IRX5: variants seen among roughly 807,000 people sequenced by gnomAD.
The protein encoded by IRX5 is iroquois homeobox 5.
A neutral mutation model predicts 37.6 loss-of-function variants in IRX5; 8 were observed. The observed-to-expected ratio is 0.21, with a 90% CI of 0.12 to 0.38. The LOEUF (loss-of-function observed/expected upper bound fraction) is 0.38. Ranked by LOEUF, IRX5 falls within the 10% of genes least tolerant of loss-of-function variation. The probability of loss-of-function intolerance (pLI) is 1.00; values close to 1 mark genes in which losing one functional copy is unlikely to be tolerated. For missense variants in IRX5, 635 were observed against 695.2 expected, an observed-to-expected ratio of 0.91 and a Z score of 0.97; for synonymous variants, 359 against 328.6, an observed-to-expected ratio of 1.09 and a Z score of -1.00.
Position 54,933,168 on chromosome 16 carries a change from C to G in IRX5, c.747C>G (p.Asp249Glu). 1 of 1,568,966 alleles carries G rather than the reference C, an allele frequency of 6.4e-7. No homozygotes were observed. Among genetic ancestry groups the G allele is most frequent in the Non-Finnish European group, 8.6e-7 (1 of 1,165,260 alleles). ...AGKETEGSLS[D>E]SDFKEPPSEG... ...AGGAGACGGAGGGCAGCCTCAGCGA[C>G]TCGGATTTTAAGGAGCCGCCCTCGG... Residue 249 changes from aspartate (D) to glutamate (E), a missense_variant, in exon 3 of 3, where the codon GAC becomes GAG. Transcript: ENST00000394636.
Position 54,932,874 on chromosome 16 carries a change from A to C in IRX5, c.626A>C (p.Asp209Ala). 6.2e-7 allele frequency: 1 copy of C among 1,612,938 alleles called. No individual in the cohort carries two copies. Among genetic ancestry groups the C allele is most frequent in the Non-Finnish European group, 8.5e-7 (1 of 1,179,330 alleles). The change falls in exon 2 of 3, where the codon GAC becomes GCC. Residue 209 changes from aspartate (D) to alanine (A), a missense_variant. By Grantham distance (126) the Asp-to-Ala change is moderately radical. Coordinates refer to ENST00000394636, the MANE Select transcript of IRX5 (RefSeq NM_005853.6). This position sits in a 1 kb window ranked among gnomAD's most constrained non-coding sequence, Gnocchi z 6.7. ...GAGGACGAGCCCCAGAAGCCCGAGGACAAGGGCGACCCCGAGGGCCCCGAA... is the reference window on the plus strand; with the variant it reads ...GAGGACGAGCCCCAGAAGCCCGAGGCCAAGGGCGACCCCGAGGGCCCCGAA... ...NDEDEPQKPE[D>A]KGDPEGPEAG...
Position 54,931,006 on chromosome 16 carries a change from G to GGCGCGGCGGTCGCAGCCGGAGGC in IRX5, c.-186_-164dup, listed in dbSNP as rs1255621090. 1 of 168,742 alleles carries GGCGCGGCGGTCGCAGCCGGAGGC rather than the reference G, an allele frequency of 5.9e-6. No individual in the cohort carries two copies. Among genetic ancestry groups the GGCGCGGCGGTCGCAGCCGGAGGC allele is most frequent in the African/African-American group, 2.4e-5 (1 of 41,624 alleles). The allele number at this position is 168,742 out of a possible 1,614,324, so 10.5% of individuals were successfully genotyped here. On this transcript the variant is annotated 5_prime_UTR_variant, in exon 1 of 3. Transcript: ENST00000394636. ...GGCGAGCGAGGCGCGCAGAGGAGCGGGCGCGGCGGTCGCAGCCGGAGGCGC... is the reference window on the plus strand; with the variant it reads ...GGCGAGCGAGGCGCGCAGAGGAGCGGGCGCGGCGGTCGCAGCCGGAGGCGCGCGGCGGTCGCAGCCGGAGGCGC...
In IRX5 at chr16:54,932,102, T is replaced by C; in HGVS notation, c.250-396T>C. The C allele has an allele frequency of 1.4e-6, 1 of 702,830 alleles. No individual in the cohort carries two copies. The highest frequency in any genetic ancestry group is 2.6e-6 in the Non-Finnish European group (1 of 384,956). The allele number at this position is 702,830 out of a possible 1,614,324, so 43.5% of individuals were successfully genotyped here. A position where few individuals can be genotyped will look rare whatever the true frequency, so the allele number is the denominator to read the frequency against. On this transcript the variant is annotated intron_variant, in intron 1 of 2. Coordinates refer to ENST00000394636, the MANE Select transcript of IRX5 (RefSeq NM_005853.6). The surrounding 1 kb of genome is among the most constrained non-coding windows in gnomAD (Gnocchi z 6.7). ...CCTTGACTTCCCTTGTTTTCCCCCC[T>C]TGCGCCCAACGTGCGTCCGCTCCCC...
rs568146590 is a variant in IRX5 at position 54,933,659 on chromosome 16, C to G, written c.1238C>G (p.Thr413Arg). The change falls in exon 3 of 3, where the codon ACG becomes AGG. Residue 413 changes from threonine to arginine, a missense_variant. Thr to Arg is a moderately conservative substitution (Grantham distance 71, BLOSUM62 -1). Around this residue, in one of 5 missense-constraint regions of IRX5, gnomAD observed 188 missense variants for 200.8 expected, o/e 0.94. Coordinates refer to ENST00000394636, the MANE Select transcript of IRX5 (RefSeq NM_005853.6). ...YYTAPFYPGYTNYGSFGHLHG... is the reference protein window; with the variant it reads ...YYTAPFYPGYRNYGSFGHLHG... ...ACCGCGCCCTTCTATCCCGGCTACACGAACTATGGCTCCTTCGGACACCTT... is the reference window on the plus strand; with the variant it reads ...ACCGCGCCCTTCTATCCCGGCTACAGGAACTATGGCTCCTTCGGACACCTT... 278 of 1,611,990 alleles carry G rather than the reference C, an allele frequency of 1.7e-4. 4 individuals carry two copies. In the South Asian group the frequency reaches 2.9e-3, roughly 17 times the overall value.
At position 54,932,045 on chromosome 16, in the gene IRX5, A is replaced by G. The variant is rs1963903809; in HGVS notation, c.250-453A>G. The G allele has an allele frequency of 2.9e-6, 2 of 701,350 alleles. No homozygotes were observed. Among genetic ancestry groups the G allele is most frequent in the Admixed American group, 4.0e-5 (2 of 49,776 alleles). The allele number at this position is 701,350 out of a possible 1,614,324, so 43.4% of individuals were successfully genotyped here. The stretch of plus-strand genomic sequence containing the variant: ...GGGCATGGCTCAGCTTTTTGTTTGC[A>G]TTTCTTAGCTGTTGAAAAAAGAAAA... On this transcript the variant is annotated intron_variant, in intron 1 of 2. Coordinates refer to ENST00000394636, the MANE Select transcript of IRX5 (RefSeq NM_005853.6). The surrounding 1 kb of genome is among the most constrained non-coding windows in gnomAD (Gnocchi z 6.7).
In IRX5 at chr16:54,933,553, C is replaced by CCGGCCCCGGCGCCGT; in HGVS notation, c.1134_1148dup (p.Ala379_Ser383dup). The CCGGCCCCGGCGCCGT allele has an allele frequency of 6.2e-7, 1 of 1,607,716 alleles. No individual in the cohort carries two copies. Among genetic ancestry groups the CCGGCCCCGGCGCCGT allele is most frequent in the Non-Finnish European group, 8.5e-7 (1 of 1,176,948 alleles). On this transcript the variant is annotated inframe_insertion, in exon 3 of 3. Coordinates refer to ENST00000394636, the MANE Select transcript of IRX5 (RefSeq NM_005853.6). ...AGCCCTAGGAGGCAGCCGGGCGTCG[C>CCGGCCCCGGCGCCGT]CGGCCCCGGCGCCGTCACGCTCGCC...
Position 54,932,787 on chromosome 16 carries a change from C to T in IRX5, c.539C>T (p.Thr180Met), listed in dbSNP as rs1187169473. The stretch of plus-strand genomic sequence containing the variant: ...AAGAAAGAGAATAAAATGACGTGGA[C>T]GCCGCGGAACCGCAGCGAGGACGAG... ...RLKKENKMTWTPRNRSEDEEE... is the reference protein window; with the variant it reads ...RLKKENKMTWMPRNRSEDEEE... The change falls in exon 2 of 3, where the codon ACG becomes ATG. Residue 180 changes from threonine to methionine, a missense_variant. Thr to Met is a moderately conservative substitution (Grantham distance 81, BLOSUM62 -1). This residue lies in a region of IRX5 where 55 missense variants were observed against 120.5 expected (regional missense o/e 0.46). Transcript: ENST00000394636. The surrounding 1 kb of genome is among the most constrained non-coding windows in gnomAD (Gnocchi z 6.7). The T allele has an allele frequency of 1.2e-6, 2 of 1,614,080 alleles. No individual in the cohort carries two copies. Among genetic ancestry groups the T allele is most frequent in the South Asian group, 2.2e-5 (2 of 91,082 alleles).
rs780279537 is a variant in IRX5 at position 54,933,133 on chromosome 16, C to T, written c.712C>T (p.Pro238Ser). The change falls in exon 3 of 3, where the codon CCT (proline) becomes TCT (serine). Residue 238 changes from proline to serine, a missense_variant. Pro to Ser is a moderately conservative substitution (Grantham distance 74, BLOSUM62 -1). This residue lies in a region of IRX5 where 244 missense variants were observed against 205.4 expected (regional missense o/e 1.19). Transcript: ENST00000394636. ...GCERLQGPPTPAGKETEGSLS... is the reference protein window; with the variant it reads ...GCERLQGPPTSAGKETEGSLS... ...CGAACGGCTTCAGGGACCACCCACC[C>T]CTGCAGGCAAGGAGACGGAGGGCAG... 7 of 1,586,322 alleles carry T rather than the reference C, an allele frequency of 4.4e-6. No individual in the cohort carries two copies. In the Admixed American group the frequency reaches 1.2e-4, roughly 27 times the overall value.
Position 54,931,103 on chromosome 16 carries a change from C to T in IRX5, c.-96C>T, listed in dbSNP as rs1198640051. ...GGGCCAGAGGAGCGGCGGCCCAGGG[C>T]AGCCAGAGGCCAGGTGCCCGCCCGC... is the stretch of plus-strand genomic sequence containing the variant. On this transcript the variant is annotated 5_prime_UTR_variant, in exon 1 of 3. Transcript: ENST00000394636. 39 of 991,906 alleles carry T rather than the reference C, an allele frequency of 3.9e-5. 1 individual carries two copies. In the African/African-American group the frequency reaches 4.5e-4, roughly 11 times the overall value. The allele number at this position is 991,906 out of a possible 1,614,324, so 61.4% of individuals were successfully genotyped here.
intron 1 of IRX5, 140 bp downstream of exon 1, chr16:54,931,587 C>T (rs1963898276): frequency 8.3e-7 from 1 of 1,207,518 alleles, no homozygotes; most frequent in Admixed American, 2.9e-5. Context: ...GGGCGATTGT[C>T]TCCGCCAGCT....
Position 54,933,443 on chromosome 16 carries a change from C to T in IRX5, c.1022C>T (p.Ala341Val), listed in dbSNP as rs758891540. 1.2e-6 allele frequency: 2 copies of T among 1,611,438 alleles called. No homozygotes were observed. The highest frequency in any genetic ancestry group is 1.7e-6 in the Non-Finnish European group (2 of 1,179,406). The change falls in exon 3 of 3, where the codon GCC becomes GTC. Residue 341 changes from alanine (A) to valine (V), a missense_variant. Coordinates refer to ENST00000394636, the MANE Select transcript of IRX5 (RefSeq NM_005853.6). ...AAACTGTGGTCTTTGGCAGAGATCG[C>T]CACATCGTCGGACAAGGTCAAGGAC... is the stretch of plus-strand genomic sequence containing the variant. ...KPKLWSLAEIATSSDKVKDGG... is the reference protein window; with the variant it reads ...KPKLWSLAEIVTSSDKVKDGG...
At position 54,933,257 on chromosome 16, in the gene IRX5, C is replaced by G; in HGVS notation, c.836C>G (p.Ala279Gly). Residue 279 changes from alanine to glycine, a missense_variant, in exon 3 of 3, where the codon GCG (alanine) becomes GGG (glycine). Ala to Gly is a moderately conservative substitution (Grantham distance 60). Transcript: ENST00000394636. Reference sequence around the variant, plus strand: ...GGCGGGCCCTCCCCGGCTGGGCCAGCGGCGGCGCGGCTGGCGGAGGACCCG... The same window carrying G: ...GGCGGGCCCTCCCCGGCTGGGCCAGGGGCGGCGCGGCTGGCGGAGGACCCG... The part of the protein sequence containing the change: ...RTGGPSPAGP[A>G]AARLAEDPAP... 7.5e-7 allele frequency: 1 copy of G among 1,327,832 alleles called. No homozygotes were observed. The highest frequency in any genetic ancestry group is 2.1e-5 in the South Asian group (1 of 47,536). The allele number at this position is 1,327,832 out of a possible 1,614,324, so 82.3% of individuals were successfully genotyped here. A position where few individuals can be genotyped will look rare whatever the true frequency, so the allele number is the denominator to read the frequency against.
rs1221264310 is a variant in IRX5, at chr16:54,932,024, A to C, written c.250-474A>C. 7 of 700,088 alleles carry C rather than the reference A, an allele frequency of 1.0e-5. No homozygotes were observed. The East Asian group carries it at 1.9e-4, about 19-fold the overall frequency. The allele number at this position is 700,088 out of a possible 1,614,324, so 43.4% of individuals were successfully genotyped here. ...TTTTGGAGGGTGGGAGTGCGTGGGC[A>C]TGGCTCAGCTTTTTGTTTGCATTTC... is the stretch of plus-strand genomic sequence containing the variant. On this transcript the variant is annotated intron_variant, in intron 1 of 2. Transcript: ENST00000394636. The surrounding 1 kb of genome is among the most constrained non-coding windows in gnomAD (Gnocchi z 6.7).
Position 54,933,716 on chromosome 16 carries a change from C to T in IRX5, c.1295C>T (p.Thr432Ile), listed in dbSNP as rs903789308. The change falls in exon 3 of 3, where the codon ACA (threonine) becomes ATA (isoleucine). Residue 432 changes from threonine to isoleucine, a missense_variant. This residue lies in a region of IRX5 where 188 missense variants were observed against 200.8 expected (regional missense o/e 0.94). Coordinates refer to ENST00000394636, the MANE Select transcript of IRX5 (RefSeq NM_005853.6). ...HGHPGPGPGP[T>I]TGPGSHFNGL... ...CACCCGGGGCCCGGGCCAGGCCCCACAACCGGTCCGGGGTCTCATTTCAAT... is the reference window on the plus strand; with the variant it reads ...CACCCGGGGCCCGGGCCAGGCCCCATAACCGGTCCGGGGTCTCATTTCAAT... The T allele has an allele frequency of 1.4e-5, 23 of 1,613,996 alleles. No homozygotes were observed. In the East Asian group the frequency reaches 5.1e-4, roughly 36 times the overall value.
rs1963891850 is a variant in IRX5, at chr16:54,931,252, C to T, written c.54C>T (p.Tyr18=). 8 of 1,612,294 alleles carry T rather than the reference C, an allele frequency of 5.0e-6. No individual in the cohort carries two copies. The highest frequency in any genetic ancestry group is 3.3e-5 in the South Asian group (3 of 90,996). The change falls in exon 1 of 3, where the codon TAC becomes TAT. Residue 18 remains tyrosine, a synonymous_variant. Transcript: ENST00000394636. ...LYQPSASLAL[Y]SCPAYSTSVI... ...AGCCGTCCGCCTCGCTGGCGCTCTA[C>T]TCGTGCCCGGCGTACAGCACCAGCG... is the stretch of plus-strand genomic sequence containing the variant.
At position 54,932,810 on chromosome 16, in the gene IRX5, G is replaced by A; in HGVS notation, c.562G>A (p.Glu188Lys). The change falls in exon 2 of 3, where the codon GAG (glutamate) becomes AAG (lysine). Residue 188 changes from glutamate to lysine, a missense_variant. Transcript: ENST00000394636. The surrounding 1 kb of genome is among the most constrained non-coding windows in gnomAD (Gnocchi z 6.7). Reference protein sequence around the residue: ...TWTPRNRSEDEEEEENIDLEK... With the variant: ...TWTPRNRSEDKEEEENIDLEK... ...GACGCCGCGGAACCGCAGCGAGGAC[G>A]AGGAAGAGGAGGAGAACATTGACCT... The A allele has an allele frequency of 6.2e-7, 1 of 1,614,178 alleles. No individual in the cohort carries two copies. Among genetic ancestry groups the A allele is most frequent in the Non-Finnish European group, 8.5e-7 (1 of 1,180,040 alleles).
rs1555495449 is a variant in IRX5 at position 54,932,508 on chromosome 16, A to G, written c.260A>G (p.Tyr87Cys). 1 of 1,611,204 alleles carries G rather than the reference A, an allele frequency of 6.2e-7. No individual in the cohort carries two copies. The highest frequency in any genetic ancestry group is 8.5e-7 in the Non-Finnish European group (1 of 1,178,438). ...GCGTCTCCACCGCAGGGCTCTCCCT[A>G]CGACCACACACCCGGCATGGCGGGC... ...AAFSSYVGSP[Y>C]DHTPGMAGSL... Residue 87 changes from tyrosine to cysteine, a missense_variant, in exon 2 of 3, where the codon TAC becomes TGC. Physicochemically the swap from Tyr to Cys is radical, Grantham distance 194 (BLOSUM62 -2). Transcript: ENST00000394636. The surrounding 1 kb of genome is among the most constrained non-coding windows in gnomAD (Gnocchi z 6.7).
At position 54,933,125 on chromosome 16, in the gene IRX5, C is replaced by T; in HGVS notation, c.704C>T (p.Pro235Leu). 1 of 1,587,700 alleles carries T rather than the reference C, an allele frequency of 6.3e-7. No individual in the cohort carries two copies. Among genetic ancestry groups the T allele is most frequent in the South Asian group, 1.1e-5 (1 of 89,124 alleles). Residue 235 changes from proline (P) to leucine (L), a missense_variant, in exon 3 of 3, where the codon CCA (proline) becomes CTA (leucine). By Grantham distance (98) the Pro-to-Leu change is moderately conservative (BLOSUM62 -3). Transcript: ENST00000394636. ...AASGCERLQG[P>L]PTPAGKETEG... is the part of the protein sequence containing the mutation. ...TCGGGCTGCGAACGGCTTCAGGGAC[C>T]ACCCACCCCTGCAGGCAAGGAGACG...
Position 54,933,983 on chromosome 16 carries a change from C to A in IRX5, c.*110C>A. The A allele has an allele frequency of 1.8e-6, 2 of 1,136,556 alleles. No individual in the cohort carries two copies. The highest frequency in any genetic ancestry group is 2.4e-6 in the Non-Finnish European group (2 of 832,468). 70.4% of individuals were successfully genotyped at this position (1,136,556 alleles called of 1,614,324 possible). ...CAGAGAGAGAAAATAAACTACCCCT[C>A]CTATTCAGAAGTTTATAGTTTATGG... On this transcript the variant is annotated 3_prime_UTR_variant, in exon 3 of 3. Coordinates refer to ENST00000394636, the MANE Select transcript of IRX5 (RefSeq NM_005853.6).
Sources: gnomAD v4.1 joint callset for allele counts on GRCh38, gnomAD v4.1.1 for gene constraint, gnomAD v4.1.1 regional missense constraint, Gnocchi (gnomAD v3.1) non-coding constraint, MANE v1.5 for transcripts, NCBI Gene and HGNC (gene_info 2026-07-23, HGNC 2026-07-21) for gene names.